The following PAQR8 variants were observed in gnomAD, a reference collection of about 807,000 sequenced individuals.
The protein encoded by PAQR8 is progestin and adipoQ receptor family member 8, also known as membrane progestin receptor beta.
PAQR8 carries 17 observed loss-of-function variants against 25.2 expected under a neutral mutation model. The ratio of observed to expected loss-of-function variants is 0.67; its 90% CI spans 0.46 to 1.01. PAQR8 has a LOEUF of 1.01. Among genes scored for constraint, PAQR8 ranks in the 50% least tolerant of loss-of-function variants. The probability of loss-of-function intolerance (pLI) is 0.00; values close to 1 mark genes in which losing one functional copy is unlikely to be tolerated. For synonymous variants in PAQR8, 204 were observed against 190.6 expected (o/e 1.07, Z -0.58); for missense variants, 392 against 448.4 (o/e 0.87, Z 1.14).
intron 1 of PAQR8, among the ~76,000 whole-genome samples, chr6:52,371,966 T>C (rs959536050): frequency 6.6e-5 from 10 of 152,228 alleles, no homozygotes; most frequent in Non-Finnish European, 1.3e-4. Flanking sequence ...CATATCTAGC[T>C]TGGCATTACT....
At chr6:52,367,958 G>C (rs1313536313) in intron 1 of PAQR8, among the ~76,000 whole-genome samples, 1 of 152,166 alleles carries the variant, frequency 6.6e-6, no homozygotes, top group Non-Finnish European at 1.5e-5. Flanking sequence ...GCCAGGTATG[G>C]TGATTCATGC....
At chr6:52,388,132 T>C (rs997663645) in intron 1 of PAQR8, among the ~76,000 whole-genome samples, 10 of 152,218 alleles carry the variant, frequency 6.6e-5, no homozygotes, top group African/African-American at 2.4e-4. Context: ...TCCCAGCGCC[T>C]TGGGAAGCCA....
intron 1 of PAQR8, among the ~76,000 whole-genome samples, chr6:52,394,082 T>C (rs975905255): frequency 6.6e-5 from 10 of 152,018 alleles, no homozygotes; most frequent in African/African-American, 2.2e-4. Flanking sequence ...CCTACAGAGG[T>C]TCCTGTGAGA....
intron 1 of PAQR8, among the ~76,000 whole-genome samples, chr6:52,391,700 A>G (rs913728152): frequency 4.6e-5 from 7 of 152,250 alleles, no homozygotes; most frequent in African/African-American, 1.7e-4. Context: ...TCCAGTCCTT[A>G]TAAATGGACA....
intron 1 of PAQR8, among the ~76,000 whole-genome samples, chr6:52,369,830 A>G (rs1486814708): frequency 6.6e-6 from 1 of 152,202 alleles, no homozygotes; most frequent in African/African-American, 2.4e-5. Context: ...CTTAAGCAAG[A>G]TAAAGTCATT....
chr6:52,395,046 CA>C (rs1253991904), intron 1 of PAQR8, among the ~76,000 whole-genome samples: 1 of 151,972 alleles, frequency 6.6e-6, no homozygotes, highest in Non-Finnish European at 1.5e-5. Context: ...GTGGGTAGAT[CA>C]CCTGAGGTCA....
At chr6:52,383,578 G>A (rs914938154) in intron 1 of PAQR8, among the ~76,000 whole-genome samples, 7 of 148,994 alleles carry the variant, frequency 4.7e-5, no homozygotes, top group Non-Finnish European at 1.0e-4. Flanking sequence ...GGAGAATGGC[G>A]TGAATCCGGG....
intron 1 of PAQR8, among the ~76,000 whole-genome samples, chr6:52,379,341 G>T (rs1485883862): frequency 6.6e-6 from 1 of 152,158 alleles, no homozygotes; most frequent in Non-Finnish European, 1.5e-5. Context: ...TTTCAGTTTT[G>T]CAAGATGAAA....
Position 52,403,417 on chromosome 6 carries a change from C to G in PAQR8, c.204C>G (p.Ser68Arg), listed in dbSNP as rs894047162. 3 of 1,614,254 alleles carry G rather than the reference C, an allele frequency of 1.9e-6. No homozygotes were observed. Among genetic ancestry groups the G allele is most frequent in the Non-Finnish European group, 2.5e-6 (3 of 1,180,054 alleles). ...ACGAGTGGCGCTACTACTTCTTCAG[C>G]CTCTTTCAGAAACACAACGAGGTGG... ...TGHEWRYYFF[S>R]LFQKHNEVVN... Residue 68 changes from serine (S) to arginine (R), a missense_variant, in exon 2 of 2, where the codon AGC (serine) becomes AGG (arginine). Coordinates refer to ENST00000442253, the MANE Select transcript of PAQR8 (RefSeq NM_133367.5).
intron 1 of PAQR8, among the ~76,000 whole-genome samples, chr6:52,370,122 T>C (rs1763400688): frequency 6.6e-6 from 1 of 152,164 alleles, no homozygotes; most frequent in Non-Finnish European, 1.5e-5. Context: ...GACTTGTTTA[T>C]GACTTATATC....
intron 1 of PAQR8, among the ~76,000 whole-genome samples, chr6:52,364,083 G>GTTTTTTTTTTTGTT (rs1763322729): frequency 1.2e-5 from 1 of 84,268 alleles, no homozygotes; most frequent in Non-Finnish European, 2.2e-5. Context: ...TGAAAGATAT[G>GTTTTTTTTTTTGTT]TTTTTTTTTT....
chr6:52,383,390 G>A (rs927479703), intron 1 of PAQR8, among the ~76,000 whole-genome samples: 3 of 152,158 alleles, frequency 2.0e-5, no homozygotes, highest in Non-Finnish European at 4.4e-5. Context: ...GGCCGGGCGC[G>A]GTGGCTCACG....
chr6:52,386,305 C>G lies in PAQR8; in HGVS notation c.-52-16857C>G, dbSNP rs545131146. On this transcript the variant is annotated intron_variant, in intron 1 of 1. Coordinates refer to ENST00000442253, the MANE Select transcript of PAQR8 (RefSeq NM_133367.5). ...GCAGTTTGGAGATTTCTCAGAGAAC[C>G]AAACACAACTACCATTTGACCTAGC... 1.1e-3 allele frequency among the ~76,000 whole-genome samples: 165 copies of G among 152,224 alleles called. 1 individual carries two copies. Among genetic ancestry groups the G allele is most frequent in the African/African-American group, 3.7e-3 (155 of 41,518 alleles).
rs560824777 is a variant in PAQR8 at position 52,375,889 on chromosome 6, T to C, written c.-53+13640T>C. Among the ~76,000 whole-genome samples, 5 of 152,350 alleles carry C rather than the reference T, an allele frequency of 3.3e-5. No homozygotes were observed. In the East Asian group the frequency reaches 9.6e-4, roughly 29 times the overall value. ...GTTGCAACTCTCCCTTTGCAACTTA[T>C]AGTAGGTCCTTCAGTGGTTTGTCAG... On this transcript the variant is annotated intron_variant, in intron 1 of 1. Transcript: ENST00000442253.
chr6:52,394,284 A>G (rs1242543735), intron 1 of PAQR8, among the ~76,000 whole-genome samples: 2 of 152,204 alleles, frequency 1.3e-5, no homozygotes, highest in Non-Finnish European at 2.9e-5. Flanking sequence ...TGGGTACTTC[A>G]CGTATTTTTA....
At chr6:52,400,814 C>G (rs1339414936) in intron 1 of PAQR8, among the ~76,000 whole-genome samples, 1 of 152,142 alleles carries the variant, frequency 6.6e-6, no homozygotes, top group African/African-American at 2.4e-5. Context: ...ATGTCTGTCT[C>G]CCCAGTAAAC....
chr6:52,364,745 T>C (rs1763333300), intron 1 of PAQR8, among the ~76,000 whole-genome samples: 1 of 152,186 alleles, frequency 6.6e-6, no homozygotes, highest in South Asian at 2.1e-4. Context: ...ATTAAAGTAA[T>C]GAAAATTCTC....
intron 1 of PAQR8, among the ~76,000 whole-genome samples, chr6:52,379,781 C>T (rs1343146204): frequency 6.6e-6 from 1 of 152,104 alleles, no homozygotes; most frequent in African/African-American, 2.4e-5. Context: ...CGCCTGCTAC[C>T]GCGCCCGGCT....
At chr6:52,393,609 G>A (rs1439646143) in intron 1 of PAQR8, among the ~76,000 whole-genome samples, 1 of 152,106 alleles carries the variant, frequency 6.6e-6, no homozygotes, top group Non-Finnish European at 1.5e-5. Context: ...GGGATTACAG[G>A]TGTGAGCCAC....
Sources: allele counts gnomAD v4.1 joint callset (sites outside exome capture counted in the v4.1 genomes callset), GRCh38; gene constraint gnomAD v4.1.1; transcripts MANE v1.5; gene names NCBI Gene and HGNC (gene_info 2026-07-23, HGNC 2026-07-21).